PGM5: variants seen among roughly 807,000 people sequenced by gnomAD.
The protein encoded by PGM5 is phosphoglucomutase 5.
In PGM5, 23 loss-of-function variants were observed where a neutral mutation model predicts 59.2. The observed-to-expected ratio is 0.39, with a 90% CI of 0.28 to 0.55. The LOEUF (loss-of-function observed/expected upper bound fraction) is 0.55, where lower values mean the gene tolerates loss of function less well. PGM5 is among the 20% of genes least tolerant of loss of function. The pLI is 0.66. For synonymous variants in PGM5, 214 were observed against 286.0 expected (o/e 0.75, Z 2.54); for missense variants, 574 against 748.3 (o/e 0.77, Z 2.72).
chr9:68,377,218 G>A (rs1173193045), intron 1 of PGM5, among the ~76,000 whole-genome samples: 4 of 152,154 alleles, frequency 2.6e-5, no homozygotes, highest in Non-Finnish European at 4.4e-5. Context: ...GAGCCACCAC[G>A]CCCAGCTGAG....
intron 7 of PGM5, among the ~76,000 whole-genome samples, chr9:68,476,152 T>C (rs546148583): frequency 4.6e-5 from 7 of 152,230 alleles, no homozygotes; most frequent in Non-Finnish European, 7.3e-5. Context: ...AGACTGTTGA[T>C]CATTATTGCC....
At chr9:68,403,799 G>T (rs1402256604) in intron 6 of PGM5, among the ~76,000 whole-genome samples, 3 of 152,178 alleles carry the variant, frequency 2.0e-5, no homozygotes, top group Non-Finnish European at 4.4e-5. Context: ...GGGGTAGGGA[G>T]AGAGACCTGT....
chr9:68,371,760 C>G (rs1289089265), intron 1 of PGM5: 44 of 152,216 alleles, frequency 2.9e-4, no homozygotes, highest in African/African-American at 7.9e-4. Context: ...TTATCAATGA[C>G]TAGATCTTGA....
intron 10 of PGM5, among the ~76,000 whole-genome samples, chr9:68,506,562 G>A (rs191484993): frequency 2.8e-4 from 42 of 152,192 alleles, no homozygotes; most frequent in Non-Finnish European, 4.4e-4. Context: ...TACTAATTTT[G>A]AATTAGCAAT....
intron 1 of PGM5, among the ~76,000 whole-genome samples, chr9:68,373,555 C>G (rs1455534335): frequency 1.3e-5 from 2 of 152,084 alleles, no homozygotes; most frequent in Non-Finnish European, 2.9e-5. Context: ...CTGCATTTTT[C>G]TAAGTCCTTG....
chr9:68,392,688 A>G (rs1554679621), intron 6 of PGM5, among the ~76,000 whole-genome samples: 3 of 152,128 alleles, frequency 2.0e-5, no homozygotes, highest in African/African-American at 7.2e-5. Flanking sequence ...ATTTAGACTT[A>G]TTTAGTCTCT....
chr9:68,494,544 C>A (rs2132101570), intron 9 of PGM5, among the ~76,000 whole-genome samples: 1 of 152,332 alleles, frequency 6.6e-6, no homozygotes. Flanking sequence ...TCCCAAGTAA[C>A]ACCCCAAAAG....
intron 6 of PGM5, chr9:68,394,223 A>T (rs1822440897): frequency 6.6e-6 from 1 of 152,168 alleles, no homozygotes; most frequent in African/African-American, 2.4e-5. Context: ...TACCCATAAG[A>T]TGCATTTCAC....
chr9:68,455,850 A>C (rs1310701714), intron 6 of PGM5, among the ~76,000 whole-genome samples: 1 of 152,270 alleles, frequency 6.6e-6, no homozygotes, highest in Non-Finnish European at 1.5e-5. Flanking sequence ...TGATGAAGAA[A>C]CAGTAATTGG....
chr9:68,406,832 G>A (rs1822830803), intron 6 of PGM5, among the ~76,000 whole-genome samples: 1 of 150,028 alleles, frequency 6.7e-6, no homozygotes, highest in Non-Finnish European at 1.5e-5. Context: ...AGCATAGGCA[G>A]TGGATTCTCA....
At chr9:68,449,691 A>C (rs1444576337) in intron 6 of PGM5, among the ~76,000 whole-genome samples, 1 of 152,194 alleles carries the variant, frequency 6.6e-6, no homozygotes, top group Non-Finnish European at 1.5e-5. Flanking sequence ...AAGTCCCCAA[A>C]GCTAGTGAAA....
Position 68,356,895 on chromosome 9 carries a change from T to A in PGM5, c.-233T>A. On this transcript the variant is annotated 5_prime_UTR_variant, in exon 1 of 11. Coordinates refer to ENST00000396396, the MANE Select transcript of PGM5 (RefSeq NM_021965.4). The stretch of plus-strand genomic sequence containing the variant: ...GGAGAAGGTGGGTGGGAGAAAACTT[T>A]ACAGGAAGGCAGAAGCAATCTCTGC... 1 of 426,102 alleles carries A rather than the reference T, an allele frequency of 2.3e-6. No individual in the cohort carries two copies. The highest frequency in any genetic ancestry group is 5.9e-4 in the Middle Eastern group (1 of 1,684). The allele number at this position is 426,102 out of a possible 1,614,324, so 26.4% of individuals were successfully genotyped here. A position where few individuals can be genotyped will look rare whatever the true frequency, so the allele number is the denominator to read the frequency against.
At chr9:68,519,589 C>A (rs1390049668) in intron 10 of PGM5, among the ~76,000 whole-genome samples, 4 of 150,900 alleles carry the variant, frequency 2.7e-5, no homozygotes, top group Non-Finnish European at 4.4e-5. Context: ...CAATTTCATC[C>A]ATGTATACAT....
At chr9:68,418,021 T>C (rs1554682110) in intron 6 of PGM5, among the ~76,000 whole-genome samples, 1 of 152,240 alleles carries the variant, frequency 6.6e-6, no homozygotes, top group African/African-American at 2.4e-5. Context: ...TTCTTCTGTC[T>C]TTGATCTCTC....
chr9:68,384,500 G>A lies in PGM5; in HGVS notation c.527G>A (p.Gly176Glu). 6.2e-7 allele frequency: 1 copy of A among 1,610,648 alleles called. No homozygotes were observed. Residue 176 changes from glycine to glutamate, a missense_variant, in exon 3 of 11, where the codon GGA becomes GAA. Gly to Glu is a moderately conservative substitution (Grantham distance 98, BLOSUM62 -2). This residue lies in a region of PGM5 where 103 missense variants were observed against 112.4 expected (regional missense o/e 0.92). Transcript: ENST00000396396. ...CTCCGAATCGACCTATCTCGACTAG[G>A]AAGACAAGAATTTGACCTAGAAAAC... ...PDLRIDLSRL[G>E]RQEFDLENKF...
intron 6 of PGM5, among the ~76,000 whole-genome samples, chr9:68,449,251 G>A (rs1554684194): frequency 1.3e-5 from 2 of 152,214 alleles, no homozygotes; most frequent in Admixed American, 6.5e-5. Context: ...TGAATTTGGA[G>A]TGGACACAGA....
At chr9:68,484,186 A>G (rs1367498662) in intron 9 of PGM5, 138 bp downstream of exon 9, 16 of 729,744 alleles carry the variant, frequency 2.2e-5, no homozygotes, top group Non-Finnish European at 9.2e-6. Flanking sequence ...GGAAAGAGGA[A>G]AGCCCTTGAT....
chr9:68,445,787 T>C (rs952332732), intron 6 of PGM5, among the ~76,000 whole-genome samples: 17 of 152,246 alleles, frequency 1.1e-4, no homozygotes, highest in Non-Finnish European at 2.9e-5. Flanking sequence ...ACCTTCAGGC[T>C]AAACATTTAC....
intron 6 of PGM5, among the ~76,000 whole-genome samples, chr9:68,431,496 T>G (rs1823346173): frequency 6.6e-6 from 1 of 152,230 alleles, no homozygotes; most frequent in Admixed American, 6.5e-5. Context: ...CAAGGCATTT[T>G]TACAAAGAAC....
Sources: gnomAD v4.1 joint callset for allele counts (sites outside exome capture counted in the v4.1 genomes callset) on GRCh38, gnomAD v4.1.1 for gene constraint, gnomAD v4.1.1 regional missense constraint, MANE v1.5 for transcripts, NCBI Gene and HGNC (gene_info 2026-07-23, HGNC 2026-07-21) for gene names.